CCDC134: variants seen among roughly 807,000 people sequenced by gnomAD.
CCDC134 encodes the protein coiled-coil domain containing 134, also known as coiled-coil domain-containing protein 134.
A neutral mutation model predicts 25.6 loss-of-function variants in CCDC134; 27 were observed. The ratio of observed to expected loss-of-function variants is 1.05; its 90% CI spans 0.78 to 1.45. The LOEUF is 1.45. Ranked by LOEUF, CCDC134 falls within the 40% of genes most tolerant of loss-of-function variation. The pLI is 0.00. For synonymous variants in CCDC134, 110 were observed against 115.0 expected, an observed-to-expected ratio of 0.96 and a Z score of 0.28; for missense variants, 261 against 286.7, an observed-to-expected ratio of 0.91 and a Z score of 0.65.
Position 41,825,804 on chromosome 22 carries a change from G to T in CCDC134, c.671G>T (p.Arg224Ile). The T allele has an allele frequency of 1.2e-6, 2 of 1,614,200 alleles. No homozygotes were observed. Among genetic ancestry groups the T allele is most frequent in the Non-Finnish European group, 1.7e-6 (2 of 1,180,014 alleles). ...KEIRKGPRIS[R>I]SQSEL ...ATCCGAAAAGGCCCAAGGATCTCCAGATCCCAGTCTGAGTTATAGCCCTGG... is the reference window on the plus strand; with the variant it reads ...ATCCGAAAAGGCCCAAGGATCTCCATATCCCAGTCTGAGTTATAGCCCTGG... Residue 224 changes from arginine (R) to isoleucine (I), a missense_variant, in exon 7 of 7, where the codon AGA becomes ATA. Transcript: ENST00000255784. This position sits in a 1 kb window ranked among gnomAD's most constrained non-coding sequence, Gnocchi z 4.4.
In CCDC134 at chr22:41,810,219, T is replaced by C; in HGVS notation, c.238T>C (p.Ser80Pro). The C allele has an allele frequency of 6.2e-7, 1 of 1,614,014 alleles. No homozygotes were observed. Among genetic ancestry groups the C allele is most frequent in the Non-Finnish European group, 8.5e-7 (1 of 1,179,940 alleles). Residue 80 changes from serine to proline, a missense_variant, in exon 4 of 7, where the codon TCC becomes CCC. Coordinates refer to ENST00000255784, the MANE Select transcript of CCDC134 (RefSeq NM_024821.5). ...LKGLFKVLED[S>P]RTVLTAADVL... Reference sequence around the variant, plus strand: ...GGGATTCCCTCAGGTGCTGGAGGACTCCCGGACAGTGCTCACCGCTGCTGA... The same window carrying C: ...GGGATTCCCTCAGGTGCTGGAGGACCCCCGGACAGTGCTCACCGCTGCTGA...
intron 6 of CCDC134, among the ~76,000 whole-genome samples, chr22:41,821,574 T>C (rs893382297): frequency 2.0e-5 from 3 of 152,102 alleles, no homozygotes; most frequent in Non-Finnish European, 4.4e-5. Context: ...TTTGGTTTTT[T>C]GTCCTTAATG....
intron 6 of CCDC134, among the ~76,000 whole-genome samples, chr22:41,820,626 T>G (rs2076647017): frequency 1.3e-5 from 2 of 152,070 alleles, no homozygotes; most frequent in Admixed American, 1.3e-4. Flanking sequence ...CTTTTGGAAG[T>G]AGAGCCAGTG....
At chr22:41,806,397 T>C (rs1473125374) in intron 1 of CCDC134, among the ~76,000 whole-genome samples, 1 of 151,866 alleles carries the variant, frequency 6.6e-6, no homozygotes, top group East Asian at 1.9e-4. Flanking sequence ...TTTTTTTGTA[T>C]TTTTAGTAGA....
At chr22:41,805,666 A>T (rs1168724899) in intron 1 of CCDC134, among the ~76,000 whole-genome samples, 1 of 152,236 alleles carries the variant, frequency 6.6e-6, no homozygotes, top group Non-Finnish European at 1.5e-5. Context: ...AGGGTGGCTC[A>T]TGCCTGTAAT....
intron 6 of CCDC134, among the ~76,000 whole-genome samples, chr22:41,818,037 A>G (rs769156263): frequency 6.6e-6 from 1 of 152,172 alleles, no homozygotes; most frequent in Non-Finnish European, 1.5e-5. Context: ...ATGGTTCAAT[A>G]GGAGGATTCA....
At chr22:41,817,958 A>C (rs747752345) in intron 6 of CCDC134, among the ~76,000 whole-genome samples, 1 of 152,112 alleles carries the variant, frequency 6.6e-6, no homozygotes, top group Non-Finnish European at 1.5e-5. Context: ...CAGCATTGTT[A>C]CTGGGGCTGG....
chr22:41,813,264 C>T lies in CCDC134; in HGVS notation c.311C>T (p.Ala104Val). ...PFPQDEKLKD[A>V]FSHVVENTAF... ...CCACTCATCAGGGTCCTCTCGCCAGCTTTCTCCCACGTGGTGGAGAACACG... is the reference window on the plus strand; with the variant it reads ...CCACTCATCAGGGTCCTCTCGCCAGTTTTCTCCCACGTGGTGGAGAACACG... Residue 104 changes from alanine (A) to valine (V), a missense_variant and splice_region_variant, in exon 5 of 7, where the codon GCT becomes GTT. By Grantham distance (64) the Ala-to-Val change is moderately conservative. Transcript: ENST00000255784. 1 of 1,614,150 alleles carries T rather than the reference C, an allele frequency of 6.2e-7. No individual in the cohort carries two copies.
chr22:41,813,347 CACA>C lies in CCDC134; in HGVS notation c.397_399del (p.Asn133del). On this transcript the variant is annotated inframe_deletion, in exon 5 of 7. Coordinates refer to ENST00000255784, the MANE Select transcript of CCDC134 (RefSeq NM_024821.5). ...GAGGATTGTGCACTATTACTTTGACCACAACTCCAACTGGAACCTCCTCATCCG... is the reference window on the plus strand; with the variant it reads ...GAGGATTGTGCACTATTACTTTGACCACTCCAACTGGAACCTCCTCATCCG... The C allele has an allele frequency of 1.2e-6, 2 of 1,614,178 alleles. No individual in the cohort carries two copies. The highest frequency in any genetic ancestry group is 1.1e-5 in the South Asian group (1 of 91,082).
At position 41,829,875 on chromosome 22, in the gene CCDC134, GTGATTCTTC is replaced by G. The variant is rs2076697173; in HGVS notation, c.*4055_*4063del. 6.6e-6 allele frequency among the ~76,000 whole-genome samples: 1 copy of G among 152,106 alleles called. No homozygotes were observed. The highest frequency in any genetic ancestry group is 1.5e-5 in the Non-Finnish European group (1 of 68,018). ...TGCAACCCCCGCCTCCCGGGTTCAAGTGATTCTTCTGCCTCAGCCTCCTGAGTAGCTAGG... is the reference window on the plus strand; with the variant it reads ...TGCAACCCCCGCCTCCCGGGTTCAAGTGCCTCAGCCTCCTGAGTAGCTAGG... On this transcript the variant is annotated 3_prime_UTR_variant, in exon 7 of 7. Transcript: ENST00000255784.
chr22:41,813,926 C>T (rs907334422), intron 6 of CCDC134, 104 bp downstream of exon 6: 3 of 991,248 alleles, frequency 3.0e-6, no homozygotes, highest in Non-Finnish European at 4.7e-6. Context: ...GGACTTGGAG[C>T]CAGGCAGCCT....
chr22:41,808,697 T>C (rs1246372464), intron 1 of CCDC134, among the ~76,000 whole-genome samples, 178 bp from the exon 2 acceptor site: 1 of 152,228 alleles, frequency 6.6e-6, no homozygotes, highest in Non-Finnish European at 1.5e-5. Flanking sequence ...CCCACGGCTC[T>C]GTATTGTGTG....
At chr22:41,822,759 C>T (rs191217367) in intron 6 of CCDC134, among the ~76,000 whole-genome samples, 1 of 152,312 alleles carries the variant, frequency 6.6e-6, no homozygotes, top group Admixed American at 6.5e-5. Flanking sequence ...TCAGGATTCA[C>T]TCACAGAGAC....
rs780048479 is a variant in CCDC134, at chr22:41,813,809, T to C, written c.551T>C (p.Ile184Thr). The C allele has an allele frequency of 6.2e-7, 1 of 1,614,186 alleles. No individual in the cohort carries two copies. Among genetic ancestry groups the C allele is most frequent in the Non-Finnish European group, 8.5e-7 (1 of 1,180,008 alleles). ...TCCAACTTCCAGAACCCATTTAAAATCGACCGCACAGAGGTGAGCTGCCAG... is the reference window on the plus strand; with the variant it reads ...TCCAACTTCCAGAACCCATTTAAAACCGACCGCACAGAGGTGAGCTGCCAG... ...KDSNFQNPFK[I>T]DRTEFIPSTD... is the part of the protein sequence containing the mutation. Residue 184 changes from isoleucine to threonine, a missense_variant, in exon 6 of 7, where the codon ATC (isoleucine) becomes ACC (threonine). Coordinates refer to ENST00000255784, the MANE Select transcript of CCDC134 (RefSeq NM_024821.5).
Position 41,828,508 on chromosome 22 carries a change from G to A in CCDC134, c.*2685G>A, listed in dbSNP as rs1004791679. On this transcript the variant is annotated 3_prime_UTR_variant, in exon 7 of 7. Coordinates refer to ENST00000255784, the MANE Select transcript of CCDC134 (RefSeq NM_024821.5). ...AATACCGTCATCCTCTCTCCAACCT[G>A]GTTAATCCTGTCCTTTCTGCCCTCA... 6.6e-6 allele frequency among the ~76,000 whole-genome samples: 1 copy of A among 152,100 alleles called. No individual in the cohort carries two copies. Among genetic ancestry groups the A allele is most frequent in the Admixed American group, 6.6e-5 (1 of 15,266 alleles).
intron 1 of CCDC134, among the ~76,000 whole-genome samples, chr22:41,801,047 C>G (rs1001919762): frequency 9.3e-5 from 14 of 150,988 alleles, no homozygotes; most frequent in African/African-American, 3.4e-4. Context: ...GTGACGCATA[C>G]GGCAGGATCG....
intron 5 of CCDC134, 137 bp downstream of exon 5, chr22:41,813,582 A>C: frequency 5.7e-6 from 7 of 1,224,538 alleles, no homozygotes; most frequent in Non-Finnish European, 8.1e-6. Flanking sequence ...ATCTTGGGCC[A>C]CAGAGGCCCC....
chr22:41,828,417 C>T lies in CCDC134; in HGVS notation c.*2594C>T, dbSNP rs1337936412. Among the ~76,000 whole-genome samples the T allele has an allele frequency of 6.6e-6, 1 of 152,142 alleles. No homozygotes were observed. Among genetic ancestry groups the T allele is most frequent in the Non-Finnish European group, 1.5e-5 (1 of 68,022 alleles). ...ATATATGCAGAGCCAAAGAGTGGGG[C>T]CTGGTCTTGAACTATCTCCTCATCT... On this transcript the variant is annotated 3_prime_UTR_variant, in exon 7 of 7. Transcript: ENST00000255784.
chr22:41,807,276 T>C (rs2076572343), intron 1 of CCDC134, among the ~76,000 whole-genome samples: 1 of 152,096 alleles, frequency 6.6e-6, no homozygotes, highest in Non-Finnish European at 1.5e-5. Flanking sequence ...AGAAAAAAGC[T>C]ATAGTAGCCG....
Sources: gnomAD v4.1 joint callset for allele counts (sites outside exome capture counted in the v4.1 genomes callset) on GRCh38, gnomAD v4.1.1 for gene constraint, Gnocchi (gnomAD v3.1) non-coding constraint, MANE v1.5 for transcripts, NCBI Gene and HGNC (gene_info 2026-07-23, HGNC 2026-07-21) for gene names.